Variants in PCDHGA5 observed in about 807,000 individuals in gnomAD.
The protein encoded by PCDHGA5 is protocadherin gamma subfamily A, 5.
A neutral mutation model predicts 56.7 loss-of-function variants in PCDHGA5; 36 were observed. That is an observed-to-expected ratio of 0.64 (90% CI 0.49 to 0.84). The LOEUF is 0.84. Among genes scored for constraint, PCDHGA5 ranks in the 40% least tolerant of loss-of-function variants. PCDHGA5 has a pLI of 0.00. For synonymous variants in PCDHGA5, 563 were observed against 520.2 expected (o/e 1.08, Z -1.12); for missense variants, 1,305 against 1,201.5 (o/e 1.09, Z -1.27).
At chr5:141,488,872 T>C (rs773185475) in intron 1 of PCDHGA5, among the ~76,000 whole-genome samples, 4 of 151,794 alleles carry the variant, frequency 2.6e-5, no homozygotes, top group Non-Finnish European at 5.9e-5. Flanking sequence ...AGTGGGGAGG[T>C]AGGAAGCTTC....
intron 1 of PCDHGA5, chr5:141,399,248 A>G (rs2150780633): frequency 6.2e-7 from 1 of 1,613,870 alleles, no homozygotes; most frequent in South Asian, 1.1e-5. Context: ...GATTCTGGGG[A>G]AAATGGGGAG....
At chr5:141,375,629 G>T (rs567513392) in intron 1 of PCDHGA5, 4 of 1,614,074 alleles carry the variant, frequency 2.5e-6, no homozygotes, top group African/African-American at 1.3e-5. Context: ...GATTCTGTAC[G>T]CCCTGCGCTC....
chr5:141,428,057 G>T, intron 1 of PCDHGA5: 1 of 1,609,044 alleles, frequency 6.2e-7, no homozygotes, highest in Non-Finnish European at 8.5e-7. Flanking sequence ...AGGTGGTGGC[G>T]GTGGACGCAG....
At chr5:141,447,084 T>A (rs2098525776) in intron 1 of PCDHGA5, among the ~76,000 whole-genome samples, 1 of 152,186 alleles carries the variant, frequency 6.6e-6, no homozygotes, top group Non-Finnish European at 1.5e-5. Flanking sequence ...TTTTGTTGTT[T>A]AATTTTCTTT....
At chr5:141,382,883 A>G in intron 1 of PCDHGA5, 5 of 1,528,792 alleles carry the variant, frequency 3.3e-6, no homozygotes, top group Non-Finnish European at 4.4e-6. Context: ...CGCCTAAGCA[A>G]GAGAAGCAGG....
chr5:141,438,288 G>C (rs752722248), intron 1 of PCDHGA5, among the ~76,000 whole-genome samples: 18 of 151,902 alleles, frequency 1.2e-4, no homozygotes, highest in Non-Finnish European at 2.1e-4. Flanking sequence ...AATTTAATCT[G>C]TATGTAAAAG....
chr5:141,442,052 G>T (rs2098295034), intron 1 of PCDHGA5: 1 of 197,576 alleles, frequency 5.1e-6, no homozygotes, highest in South Asian at 6.6e-5. Flanking sequence ...TACTGGTCGC[G>T]GTGCACTGCG....
At position 141,486,484 on chromosome 5, in the gene PCDHGA5, C is replaced by G. The variant is rs200150307; in HGVS notation, c.2422-8323C>G. ...ATGCTGGGAACCCTCCTCTCAGTAC[C>G]CACAGAACTATTTTCCTCAATATTT... On this transcript the variant is annotated intron_variant, in intron 1 of 3. Transcript: ENST00000518069. The surrounding 1 kb of genome is among the most constrained non-coding windows in gnomAD (Gnocchi z 5.0). The G allele has an allele frequency of 2.8e-5, 45 of 1,614,102 alleles. No homozygotes were observed. In the Admixed American group the frequency reaches 5.5e-4, roughly 20 times the overall value.
At chr5:141,510,580 G>A (rs947369646) in intron 3 of PCDHGA5, among the ~76,000 whole-genome samples, 7 of 152,248 alleles carry the variant, frequency 4.6e-5, no homozygotes, top group South Asian at 2.1e-4. Flanking sequence ...ACTATTTTAC[G>A]TACCTGACAT....
At chr5:141,376,788 G>A (rs944207667) in intron 1 of PCDHGA5, 10 of 365,346 alleles carry the variant, frequency 2.7e-5, no homozygotes, top group Non-Finnish European at 4.9e-5. Context: ...CCGGGTTCAC[G>A]CCATTCTCCT....
chr5:141,365,690 C>T lies in PCDHGA5; in HGVS notation c.1360C>T (p.Gln454Ter). The change falls in exon 1 of 4, where the codon CAA becomes TAA. Residue 454 changes from glutamine to a stop codon, truncating the protein, a stop_gained. Coordinates refer to ENST00000518069, the MANE Select transcript of PCDHGA5 (RefSeq NM_018918.3). LOFTEE classifies it high-confidence loss of function. Reference sequence around the variant, plus strand: ...TAATGACAACCCACCCAATTTCCCTCAAGCCTCCTACTCCACCTCTGTCAC... The same window carrying T: ...TAATGACAACCCACCCAATTTCCCTTAAGCCTCCTACTCCACCTCTGTCAC... ...DVNDNPPNFP[Q>*]ASYSTSVTEN... 2 of 1,613,562 alleles carry T rather than the reference C, an allele frequency of 1.2e-6. No homozygotes were observed. Among genetic ancestry groups the T allele is most frequent in the South Asian group, 2.2e-5 (2 of 91,066 alleles).
chr5:141,458,421 G>T (rs1294502132), intron 1 of PCDHGA5, among the ~76,000 whole-genome samples: 1 of 152,114 alleles, frequency 6.6e-6, no homozygotes, highest in African/African-American at 2.4e-5. Context: ...GGGTTCCAAA[G>T]CTGAAAGAGG....
rs201085226 is a variant in PCDHGA5 at position 141,365,970 on chromosome 5, C to T, written c.1640C>T (p.Ser547Leu). 2.6e-5 allele frequency: 42 copies of T among 1,614,138 alleles called. 1 individual carries two copies. The Admixed American group carries it at 4.3e-4, about 17-fold the overall frequency. Residue 547 changes from serine (S) to leucine (L), a missense_variant, in exon 1 of 4, where the codon TCG (serine) becomes TTG (leucine). By Grantham distance (145) the Ser-to-Leu change is moderately radical. Transcript: ENST00000518069. ...AACCCTCCACTTAGCAGCAACGTGT[C>T]GCTGAGCCTGTTTGTGCTGGACCAG... ...SGNPPLSSNV[S>L]LSLFVLDQND... is the part of the protein sequence containing the mutation.
At chr5:141,385,897 T>G (rs1239530596) in intron 1 of PCDHGA5, 1 of 152,628 alleles carries the variant, frequency 6.6e-6, no homozygotes, top group East Asian at 1.9e-4. Flanking sequence ...GAAATGTGTG[T>G]GTATCACACT....
At chr5:141,458,172 T>C (rs1023447659) in intron 1 of PCDHGA5, among the ~76,000 whole-genome samples, 2 of 152,216 alleles carry the variant, frequency 1.3e-5, no homozygotes, top group African/African-American at 4.8e-5. Flanking sequence ...CACAGTAGTA[T>C]ACCTTACTTG....
At chr5:141,499,397 T>A (rs1171838687) in intron 2 of PCDHGA5, among the ~76,000 whole-genome samples, 2 of 152,122 alleles carry the variant, frequency 1.3e-5, no homozygotes, top group African/African-American at 4.8e-5. Flanking sequence ...AAATAGTACA[T>A]GCTCATTATA....
At position 141,486,427 on chromosome 5, in the gene PCDHGA5, A is replaced by T. The variant is rs775958317; in HGVS notation, c.2422-8380A>T. ...CTGGACCCTTGGATCGAGAGGCCAAATCTAGCTATGACATCATGGTCACTG... is the reference window on the plus strand; with the variant it reads ...CTGGACCCTTGGATCGAGAGGCCAATTCTAGCTATGACATCATGGTCACTG... On this transcript the variant is annotated intron_variant, in intron 1 of 3. Transcript: ENST00000518069. The surrounding 1 kb of genome is among the most constrained non-coding windows in gnomAD (Gnocchi z 5.0). 17 of 1,614,042 alleles carry T rather than the reference A, an allele frequency of 1.1e-5. No homozygotes were observed. The Admixed American group carries it at 2.8e-4, about 27-fold the overall frequency.
At chr5:141,372,877 A>C (rs778363950) in intron 1 of PCDHGA5, 1 of 1,270,298 alleles carries the variant, frequency 7.9e-7, no homozygotes, top group South Asian at 1.5e-5. Context: ...TAGAGATAAA[A>C]AGAATACAGA....
In PCDHGA5 at chr5:141,491,129, C is replaced by T; in HGVS notation, c.2422-3678C>T. On this transcript the variant is annotated intron_variant, in intron 1 of 3. Transcript: ENST00000518069. This position sits in a 1 kb window ranked among gnomAD's most constrained non-coding sequence, Gnocchi z 6.9. Reference sequence around the variant, plus strand: ...TCTACACACACTGGTGAGGTGCGCACAGCCCGGGCCTTACTGGAGGATGAC... The same window carrying T: ...TCTACACACACTGGTGAGGTGCGCATAGCCCGGGCCTTACTGGAGGATGAC... 1.2e-6 allele frequency: 2 copies of T among 1,614,172 alleles called. No individual in the cohort carries two copies. The highest frequency in any genetic ancestry group is 1.7e-6 in the Non-Finnish European group (2 of 1,180,012).
Sources: gnomAD v4.1 joint callset for allele counts (sites outside exome capture counted in the v4.1 genomes callset) on GRCh38, gnomAD v4.1.1 for gene constraint, Gnocchi (gnomAD v3.1) non-coding constraint, MANE v1.5 for transcripts, NCBI Gene and HGNC (gene_info 2026-07-23, HGNC 2026-07-21) for gene names.